The following CLASP1 variants were observed in gnomAD, a reference collection of about 807,000 sequenced individuals.
The protein encoded by CLASP1 is cytoplasmic linker associated protein 1.
CLASP1 carries 38 observed loss-of-function variants against 192.3 expected under a neutral mutation model. That is an observed-to-expected ratio of 0.20 (90% CI 0.15 to 0.26). The LOEUF (loss-of-function observed/expected upper bound fraction) is 0.26, where lower values mean the gene tolerates loss of function less well. Among genes scored for constraint, CLASP1 ranks in the 10% least tolerant of loss-of-function variants. CLASP1 has a pLI of 1.00. For synonymous variants in CLASP1, 691 were observed against 712.8 expected (o/e 0.97, Z 0.49); for missense variants, 1,433 against 1,932.5 (o/e 0.74, Z 4.85).
chr2:121,414,470 C>T (rs956636233), intron 23 of CLASP1, among the ~76,000 whole-genome samples: 3 of 152,138 alleles, frequency 2.0e-5, no homozygotes, highest in African/African-American at 4.8e-5. Context: ...TCAACCAACT[C>T]GGACTCCAGG....
intron 24 of CLASP1, chr2:121,408,885 A>G: frequency 1.4e-6 from 1 of 702,562 alleles, no homozygotes; most frequent in Non-Finnish European, 2.5e-6. Flanking sequence ...ATGATGGTGA[A>G]TCACTGTTAT....
intron 6 of CLASP1, among the ~76,000 whole-genome samples, chr2:121,518,098 G>A (rs1053901882): frequency 6.6e-6 from 1 of 150,890 alleles, no homozygotes; most frequent in African/African-American, 2.4e-5. Context: ...GGGCGTGGTG[G>A]CACACACCTG....
chr2:121,404,647 T>C lies in CLASP1; in HGVS notation c.2670-213A>G, dbSNP rs541692492. On this transcript the variant is annotated intron_variant, in intron 25 of 39. Transcript: ENST00000263710. ...TGGGTAATTTTTTTGATCAGTCAAC[T>C]ACATAAGCTTTACATAATTCGTATC... is the stretch of plus-strand genomic sequence containing the variant. 9.2e-5 allele frequency among the ~76,000 whole-genome samples: 14 copies of C among 152,310 alleles called. No individual in the cohort carries two copies. The South Asian group carries it at 1.5e-3, about 16-fold the overall frequency.
At chr2:121,558,266 C>T (rs1230280487) in intron 2 of CLASP1, among the ~76,000 whole-genome samples, 2 of 152,068 alleles carry the variant, frequency 1.3e-5, no homozygotes, top group African/African-American at 4.8e-5. Context: ...TGGCCTGTCC[C>T]TCATAGAAAC....
intron 6 of CLASP1, among the ~76,000 whole-genome samples, chr2:121,524,962 C>T (rs901801970): frequency 6.6e-6 from 1 of 151,970 alleles, no homozygotes. Context: ...GGAGGGGTGC[C>T]GACTCAGGGG....
intron 8 of CLASP1, among the ~76,000 whole-genome samples, chr2:121,494,976 C>T (rs2093467377): frequency 6.6e-6 from 1 of 151,824 alleles, no homozygotes; most frequent in Non-Finnish European, 1.5e-5. Flanking sequence ...GAGCCAAGAT[C>T]GCACCACTGC....
At chr2:121,346,835 T>C (rs1164431005) in intron 39 of CLASP1, among the ~76,000 whole-genome samples, 2 of 152,266 alleles carry the variant, frequency 1.3e-5, no homozygotes, top group African/African-American at 2.4e-5. Flanking sequence ...AGGCAGACTA[T>C]GTTGTGTAAT....
intron 8 of CLASP1, among the ~76,000 whole-genome samples, chr2:121,490,496 T>C (rs2093245061): frequency 6.6e-6 from 1 of 151,978 alleles, no homozygotes; most frequent in African/African-American, 2.4e-5. Flanking sequence ...TGGGGGGAGG[T>C]GTGAGCCTTC....
chr2:121,476,207 CAG>C (rs1384216107), intron 8 of CLASP1, among the ~76,000 whole-genome samples: 1 of 152,144 alleles, frequency 6.6e-6, no homozygotes, highest in South Asian at 2.1e-4. Context: ...CCAGATGCTG[CAG>C]AGAGGCTGAG....
At chr2:121,392,324 G>A (rs1468838333) in intron 30 of CLASP1, among the ~76,000 whole-genome samples, 1 of 152,126 alleles carries the variant, frequency 6.6e-6, no homozygotes, top group Non-Finnish European at 1.5e-5. Flanking sequence ...AAAAAATTCT[G>A]GTACTCAGTT....
chr2:121,349,837 A>G (rs545211850), intron 37 of CLASP1, among the ~76,000 whole-genome samples: 4 of 152,328 alleles, frequency 2.6e-5, no homozygotes, highest in Admixed American at 1.3e-4. Flanking sequence ...CCCAATGAGC[A>G]AGAAAGAGGA....
intron 1 of CLASP1, among the ~76,000 whole-genome samples, chr2:121,626,238 A>G (rs2068343528): frequency 6.6e-6 from 1 of 152,210 alleles, no homozygotes; most frequent in Non-Finnish European, 1.5e-5. Flanking sequence ...AGTCCTGGGT[A>G]TTTAATGTGA....
chr2:121,435,654 A>G (rs756554594), intron 19 of CLASP1, among the ~76,000 whole-genome samples: 5 of 152,038 alleles, frequency 3.3e-5, no homozygotes, highest in Non-Finnish European at 7.4e-5. Context: ...CTTCTTTTGG[A>G]TTAATTTTTT....
At chr2:121,387,028 A>T in intron 32 of CLASP1, 94 bp downstream of exon 33, 1 of 1,009,098 alleles carries the variant, frequency 9.9e-7, no homozygotes, top group African/African-American at 1.6e-5. Context: ...TCTTTTTGTT[A>T]TTTAGCTTAG....
chr2:121,343,971 T>A (rs1244116398), intron 39 of CLASP1, among the ~76,000 whole-genome samples: 1 of 152,020 alleles, frequency 6.6e-6, no homozygotes, highest in Non-Finnish European at 1.5e-5. Context: ...CTCAGGAGGC[T>A]GAAGCAGGAC....
chr2:121,480,181 C>T (rs1559375726), intron 8 of CLASP1, among the ~76,000 whole-genome samples: 1 of 152,178 alleles, frequency 6.6e-6, no homozygotes, highest in East Asian at 1.9e-4. Flanking sequence ...TAGTCCTTCA[C>T]AAAGGGAGGT....
chr2:121,454,627 G>A (rs781029688), intron 14 of CLASP1, among the ~76,000 whole-genome samples: 16 of 152,184 alleles, frequency 1.1e-4, no homozygotes, highest in Admixed American at 2.0e-4. Context: ...GTGCTGCATG[G>A]TTGGACAAGC....
chr2:121,414,045 C>T (rs1289954594), intron 23 of CLASP1, among the ~76,000 whole-genome samples, 96 bp downstream of exon 24: 1 of 152,106 alleles, frequency 6.6e-6, no homozygotes, highest in Admixed American at 6.5e-5. Context: ...TGCAAACATG[C>T]CAAGTGCTAG....
chr2:121,409,525 T>G (rs6725314), intron 24 of CLASP1, among the ~76,000 whole-genome samples: 20,773 of 152,152 alleles, frequency 0.14, 2,007 homozygotes, highest in African/African-American at 0.27. Context: ...AAAGCTCCAG[T>G]CAAGTTAAGC....
Sources: gnomAD v4.1 joint callset for allele counts (sites outside exome capture counted in the v4.1 genomes callset) on GRCh38, gnomAD v4.1.1 for gene constraint, MANE v1.5 for transcripts, NCBI Gene and HGNC (gene_info 2026-07-23, HGNC 2026-07-21) for gene names.